CLCN1: variants seen among roughly 807,000 people sequenced by gnomAD.
CLCN1 encodes chloride channel protein 1.
CLCN1 carries 100 observed loss-of-function variants against 114.5 expected under a neutral mutation model. The ratio of observed to expected loss-of-function variants is 0.87; its 90% confidence interval spans 0.74 to 1.03. CLCN1 has a LOEUF of 1.03. Ranked by LOEUF, CLCN1 falls within the 50% of genes least tolerant of loss-of-function variation. The pLI is 0.00. For synonymous variants in CLCN1, 485 were observed against 487.1 expected (o/e 1.00, Z 0.06); for missense variants, 1,188 against 1,250.0 (o/e 0.95, Z 0.75).
At chr7:143,340,685 A>G (rs1329017411) in intron 14 of CLCN1, among the ~76,000 whole-genome samples, 2 of 152,148 alleles carry the variant, frequency 1.3e-5, no homozygotes, top group Non-Finnish European at 2.9e-5. Context: ...GGCACATGCC[A>G]TCATGTCTGG....
At chr7:143,317,458 A>G (rs1802318065) in intron 1 of CLCN1, among the ~76,000 whole-genome samples, 1 of 152,116 alleles carries the variant, frequency 6.6e-6, no homozygotes, top group Admixed American at 6.5e-5. Context: ...CATGTTGGCC[A>G]GGCTGTCTCG....
rs1406551500 is a variant in CLCN1, at chr7:143,339,583, T to C, written c.1544T>C (p.Ile515Thr). The C allele has an allele frequency of 6.2e-7, 1 of 1,613,600 alleles. No homozygotes were observed. ...LFPDGILFDD[I>T]IYKILPGGYA... ...CCTGATGGTATTTTGTTTGATGACATCATCTACAAGATCCTACCTGGGGGC... is the reference window on the plus strand; with the variant it reads ...CCTGATGGTATTTTGTTTGATGACACCATCTACAAGATCCTACCTGGGGGC... Residue 515 changes from isoleucine (I) to threonine (T), a missense_variant, in exon 14 of 23, where the codon ATC (isoleucine) becomes ACC (threonine). Coordinates refer to ENST00000343257, the MANE Select transcript of CLCN1 (RefSeq NM_000083.3). The surrounding 1 kb of genome is among the most constrained non-coding windows in gnomAD (Gnocchi z 4.1).
In CLCN1 at chr7:143,342,389, T is replaced by C. The variant is rs773422802; in HGVS notation, c.1814T>C (p.Val605Ala). The change falls in exon 16 of 23, where the codon GTT (valine) becomes GCT (alanine). Residue 605 changes from valine to alanine, a missense_variant. Coordinates refer to ENST00000343257, the MANE Select transcript of CLCN1 (RefSeq NM_000083.3). ...CTCCATAGCAAATATACCATCTTTGTTGAGGACATCATGGTACGTGATGTG... is the reference window on the plus strand; with the variant it reads ...CTCCATAGCAAATATACCATCTTTGCTGAGGACATCATGGTACGTGATGTG... ...WNQLSKYTIF[V>A]EDIMVRDVKF... The C allele has an allele frequency of 6.2e-7, 1 of 1,614,170 alleles. No individual in the cohort carries two copies. The highest frequency in any genetic ancestry group is 1.7e-5 in the Admixed American group (1 of 60,024).
At chr7:143,323,894 G>A (rs551902256) in intron 6 of CLCN1, 30 of 470,270 alleles carry the variant, frequency 6.4e-5, no homozygotes, top group Middle Eastern at 6.5e-4. Flanking sequence ...AGCCCCTGTC[G>A]GAGGCAAGTT....
Position 143,324,360 on chromosome 7 carries a change from C to A in CLCN1, c.775-54C>A. On this transcript the variant is annotated intron_variant, in intron 6 of 22. Transcript: ENST00000343257. This position sits in a 1 kb window ranked among gnomAD's most constrained non-coding sequence, Gnocchi z 4.6. ...CCATCCCTGCTTGTTCTGTCCTCTG[C>A]CTGCCCACCTCCCTCTCTTCCACCT... is the stretch of plus-strand genomic sequence containing the variant. The A allele has an allele frequency of 7.4e-7, 1 of 1,343,732 alleles. No homozygotes were observed. Among genetic ancestry groups the A allele is most frequent in the Non-Finnish European group, 1.1e-6 (1 of 934,296 alleles). The allele number at this position is 1,343,732 out of a possible 1,614,324, so 83.2% of individuals were successfully genotyped here. A position where few individuals can be genotyped will look rare whatever the true frequency, so the allele number is the denominator to read the frequency against.
chr7:143,337,212 C>T (rs552370914), intron 12 of CLCN1, among the ~76,000 whole-genome samples: 5 of 152,292 alleles, frequency 3.3e-5, no homozygotes, highest in African/African-American at 4.8e-5. Context: ...AGCCCATCTT[C>T]GTTCTTTCCT....
chr7:143,340,945 A>G (rs1803059907), intron 14 of CLCN1, among the ~76,000 whole-genome samples: 1 of 152,230 alleles, frequency 6.6e-6, no homozygotes, highest in Non-Finnish European at 1.5e-5. Context: ...TATTTTGGTT[A>G]GTGGAGAAAC....
chr7:143,351,749 T>C lies in CLCN1; in HGVS notation c.2751T>C (p.Thr917=), dbSNP rs1803414448. The stretch of plus-strand genomic sequence containing the variant: ...TGCCTGAGGACAGGCCTGGGGCCAC[T>C]GGAACAGGGGATGTGATTGCTGCCT... ...WNLPEDRPGA[T]GTGDVIAASP... is the part of the protein sequence containing the mutation. The change falls in exon 23 of 23, where the codon ACT becomes ACC. Residue 917 remains threonine, a synonymous_variant. Transcript: ENST00000343257. 6.2e-7 allele frequency: 1 copy of C among 1,614,170 alleles called. No homozygotes were observed.
intron 18 of CLCN1, 25 bp downstream of exon 18, chr7:143,346,276 CA>C: frequency 6.8e-7 from 1 of 1,475,262 alleles, no homozygotes; most frequent in Non-Finnish European, 9.5e-7. Context: ...TCATGCACCC[CA>C]ACTCACCCCT....
At position 143,321,378 on chromosome 7, in the gene CLCN1, C is replaced by T. The variant is rs1293896207; in HGVS notation, c.447C>T (p.Ser149=). 1.2e-6 allele frequency: 2 copies of T among 1,614,222 alleles called. No homozygotes were observed. Among genetic ancestry groups the T allele is most frequent in the Non-Finnish European group, 8.5e-7 (1 of 1,180,034 alleles). ...GTGTCTCCGCAGCCTACAAGTGGTC[C>T]TACGCGCAGATGCAGCCCAGCCTTC... The part of the protein sequence containing the change: ...SAKSLQAYKW[S]YAQMQPSLPL... Residue 149 remains serine, a synonymous_variant, in exon 4 of 23, where the codon TCC becomes TCT. Transcript: ENST00000343257. The surrounding 1 kb of genome is among the most constrained non-coding windows in gnomAD (Gnocchi z 4.2).
At chr7:143,344,291 A>G (rs1204091023) in intron 16 of CLCN1, among the ~76,000 whole-genome samples, 2 of 152,336 alleles carry the variant, frequency 1.3e-5, no homozygotes, top group East Asian at 3.9e-4. Flanking sequence ...CTAGGTGGGC[A>G]TTCCTTGAGA....
Position 143,346,244 on chromosome 7 carries a change from G to A in CLCN1, c.2277G>A (p.Glu759=). The change falls in exon 18 of 23, where the codon GAG becomes GAA. Residue 759 remains glutamate, a synonymous_variant. Coordinates refer to ENST00000343257, the MANE Select transcript of CLCN1 (RefSeq NM_000083.3). ...ACAAACAGCAGCCGGAAGCACCAGA[G>A]CCTGCAGGTGACGCTCTTCCCTCAT... is the stretch of plus-strand genomic sequence containing the variant. ...PGHKQQPEAP[E]PAGQRPSIFQ... 1 of 1,607,536 alleles carries A rather than the reference G, an allele frequency of 6.2e-7. No homozygotes were observed. Among genetic ancestry groups the A allele is most frequent in the African/African-American group, 1.3e-5 (1 of 74,760 alleles).
Position 143,346,133 on chromosome 7 carries a change from C to G in CLCN1, c.2173-7C>G, listed in dbSNP as rs1462132187. The G allele has an allele frequency of 6.4e-7, 1 of 1,567,430 alleles. No individual in the cohort carries two copies. The highest frequency in any genetic ancestry group is 1.4e-5 in the African/African-American group (1 of 73,938). Reference sequence around the variant, plus strand: ...CCCAGGCTGAGACTTCTTACTCTTCCTTACAGCTTCCTCCTTCCCTTGCTC... The same window carrying G: ...CCCAGGCTGAGACTTCTTACTCTTCGTTACAGCTTCCTCCTTCCCTTGCTC... On this transcript the variant is annotated splice_region_variant and splice_polypyrimidine_tract_variant and intron_variant, in intron 17 of 22. Transcript: ENST00000343257.
In CLCN1 at chr7:143,332,839, T is replaced by C. The variant is rs1216826772; in HGVS notation, c.1367T>C (p.Val456Ala). The change falls in exon 12 of 23, where the codon GTT becomes GCT. Residue 456 changes from valine (V) to alanine (A), a missense_variant. Coordinates refer to ENST00000343257, the MANE Select transcript of CLCN1 (RefSeq NM_000083.3). The stretch of plus-strand genomic sequence containing the variant: ...GTGTGGATTCACCCCCGGGTCAACG[T>C]TGTCATCATCATCTTTCTCTTCTTC... ...SAVWIHPRVNVVIIIFLFFVM... is the reference protein window; with the variant it reads ...SAVWIHPRVNAVIIIFLFFVM... 3 of 1,614,172 alleles carry C rather than the reference T, an allele frequency of 1.9e-6. No individual in the cohort carries two copies. The highest frequency in any genetic ancestry group is 2.5e-6 in the Non-Finnish European group (3 of 1,180,032).
intron 1 of CLCN1, among the ~76,000 whole-genome samples, chr7:143,317,151 T>C (rs10500136): frequency 0.19 from 28,205 of 151,840 alleles, 4,090 homozygotes; most frequent in African/African-American, 0.4. Flanking sequence ...TGGAAAAAGA[T>C]AGGTCATGGT....
chr7:143,333,370 G>C (rs1719812649), intron 12 of CLCN1, among the ~76,000 whole-genome samples: 1 of 151,890 alleles, frequency 6.6e-6, no homozygotes, highest in African/African-American at 2.4e-5. Context: ...GTTAATTGCT[G>C]TATTCACGTC....
At chr7:143,345,855 G>A (rs1803228658) in intron 17 of CLCN1, 93 bp downstream of exon 17, 4 of 1,509,342 alleles carry the variant, frequency 2.7e-6, no homozygotes, top group Non-Finnish European at 3.6e-6. Context: ...TGGGACAGGC[G>A]TAGTTTCCCT....
chr7:143,340,414 G>A (rs1803045843), intron 14 of CLCN1, among the ~76,000 whole-genome samples: 1 of 152,114 alleles, frequency 6.6e-6, no homozygotes, highest in African/African-American at 2.4e-5. Context: ...ATGTTCTGAA[G>A]TATGTTATAT....
At chr7:143,341,778 T>G (rs757540269) in intron 14 of CLCN1, 151 bp from the exon 15 acceptor site, 15 of 704,148 alleles carry the variant, frequency 2.1e-5, no homozygotes, top group Non-Finnish European at 3.9e-5. Flanking sequence ...GAGTTCAGTA[T>G]TCTATTCCCT....
Sources: gnomAD v4.1 joint callset for allele counts (sites outside exome capture counted in the v4.1 genomes callset) on GRCh38, gnomAD v4.1.1 for gene constraint, Gnocchi (gnomAD v3.1) non-coding constraint, MANE v1.5 for transcripts, NCBI Gene and HGNC (gene_info 2026-07-23, HGNC 2026-07-21) for gene names.